EBF1: variants seen among roughly 807,000 people sequenced by gnomAD.
EBF1 encodes EBF transcription factor 1, also known as transcription factor COE1.
Under a neutral mutation model 68.4 loss-of-function variants are expected in EBF1, and 10 were observed. The observed-to-expected ratio is 0.15, with a 90% CI of 0.09 to 0.25. The LOEUF is 0.25. EBF1 is among the 10% of genes least tolerant of loss of function. The probability of loss-of-function intolerance (pLI) is 1.00; values close to 1 mark genes in which losing one functional copy is unlikely to be tolerated. For missense variants in EBF1, 509 were observed against 794.4 expected (o/e 0.64, Z 4.32); for synonymous variants, 298 against 299.8 (o/e 0.99, Z 0.06).
intron 6 of EBF1, among the ~76,000 whole-genome samples, chr5:158,843,913 C>T (rs2127978113): frequency 6.6e-6 from 1 of 152,262 alleles, no homozygotes; most frequent in South Asian, 2.1e-4. Flanking sequence ...CGTCTGCTGG[C>T]CTACGGAGAA....
intron 8 of EBF1, among the ~76,000 whole-genome samples, chr5:158,798,773 A>C (rs958265433): frequency 6.6e-6 from 1 of 152,188 alleles, no homozygotes; most frequent in Non-Finnish European, 1.5e-5. Flanking sequence ...GCTTCCAGAG[A>C]TAACCAGGTG....
At chr5:158,993,148 G>A (rs1167523262) in intron 6 of EBF1, among the ~76,000 whole-genome samples, 1 of 149,606 alleles carries the variant, frequency 6.7e-6, no homozygotes, top group Non-Finnish European at 1.5e-5. Flanking sequence ...CTGGGCTCAA[G>A]CGATTCTCCT....
At chr5:158,829,270 G>T (rs750274167) in intron 7 of EBF1, among the ~76,000 whole-genome samples, 29 of 152,012 alleles carry the variant, frequency 1.9e-4, no homozygotes, top group Non-Finnish European at 3.5e-4. Context: ...TCTGCGTCCC[G>T]GGCTCAACTG....
At chr5:158,950,018 T>G (rs992866780) in intron 6 of EBF1, among the ~76,000 whole-genome samples, 1 of 152,228 alleles carries the variant, frequency 6.6e-6, no homozygotes, top group African/African-American at 2.4e-5. Context: ...TTCCCAGTGG[T>G]GTACAGTGGT....
chr5:159,005,864 C>T (rs1220489885), intron 6 of EBF1, among the ~76,000 whole-genome samples: 2 of 152,210 alleles, frequency 1.3e-5, no homozygotes, highest in Admixed American at 1.3e-4. Flanking sequence ...TCTTAAATTG[C>T]CTATAGGTTA....
intron 6 of EBF1, among the ~76,000 whole-genome samples, chr5:158,850,395 C>T (rs1432243495): frequency 6.6e-6 from 1 of 152,194 alleles, no homozygotes; most frequent in African/African-American, 2.4e-5. Flanking sequence ...ACAACCCAGT[C>T]CCTTCCCTTG....
At chr5:158,866,635 A>G (rs1795910741) in intron 6 of EBF1, among the ~76,000 whole-genome samples, 1 of 151,680 alleles carries the variant, frequency 6.6e-6, no homozygotes, top group South Asian at 2.1e-4. Context: ...TTCACACGTC[A>G]CTTTTAATAA....
chr5:158,971,535 G>T (rs116003910), intron 6 of EBF1, among the ~76,000 whole-genome samples: 1 of 152,066 alleles, frequency 6.6e-6, no homozygotes, highest in African/African-American at 2.4e-5. Flanking sequence ...GACACCTCCC[G>T]CCCAGGTCAA....
chr5:159,082,474 C>G (rs1779913446), intron 5 of EBF1, among the ~76,000 whole-genome samples: 1 of 152,192 alleles, frequency 6.6e-6, no homozygotes, highest in African/African-American at 2.4e-5. Context: ...TAATGGGGAA[C>G]AGACTCTAAT....
intron 6 of EBF1, among the ~76,000 whole-genome samples, chr5:158,969,919 A>AG (rs199980397): frequency 0.13 from 7,519 of 57,482 alleles, 447 homozygotes; most frequent in Non-Finnish European, 0.15. Flanking sequence ...AAAGAAAGAA[A>AG]AAAAAAAAAA....
At chr5:159,007,812 G>A (rs751686882) in intron 6 of EBF1, among the ~76,000 whole-genome samples, 15 of 152,012 alleles carry the variant, frequency 9.9e-5, no homozygotes, top group Non-Finnish European at 1.9e-4. Context: ...GAAATGAGGG[G>A]TGTTAGAAAC....
At chr5:158,761,405 G>A (rs913816853) in intron 10 of EBF1, among the ~76,000 whole-genome samples, 1 of 152,298 alleles carries the variant, frequency 6.6e-6, no homozygotes, top group African/African-American at 2.4e-5. Flanking sequence ...CTCTCTCCCC[G>A]AGTTCCGGGA....
intron 6 of EBF1, among the ~76,000 whole-genome samples, chr5:158,894,970 T>C (rs1433527784): frequency 6.6e-6 from 1 of 152,218 alleles, no homozygotes; most frequent in African/African-American, 2.4e-5. Context: ...ATATACTGTA[T>C]ATTATGTAAC....
intron 6 of EBF1, among the ~76,000 whole-genome samples, chr5:158,913,382 AG>A (rs1321568206): frequency 6.6e-6 from 1 of 152,230 alleles, no homozygotes; most frequent in East Asian, 1.9e-4. Flanking sequence ...GACGTTCCAC[AG>A]GGGGACATTT....
intron 6 of EBF1, among the ~76,000 whole-genome samples, chr5:159,042,881 G>A (rs1414436745): frequency 6.6e-6 from 1 of 150,486 alleles, no homozygotes. Context: ...AAATAAAAAA[G>A]TTAAATAGGA....
intron 10 of EBF1, among the ~76,000 whole-genome samples, chr5:158,769,050 T>G (rs745547390): frequency 3.4e-4 from 51 of 152,144 alleles, no homozygotes; most frequent in Non-Finnish European, 6.2e-4. Flanking sequence ...CAGAAATTTA[T>G]AGTTTAGAAA....
At chr5:158,830,903 C>T (rs1023284074) in intron 7 of EBF1, among the ~76,000 whole-genome samples, 3 of 152,148 alleles carry the variant, frequency 2.0e-5, no homozygotes, top group Admixed American at 1.3e-4. Flanking sequence ...GAATTACATT[C>T]GCACTTTAAG....
At chr5:158,871,337 C>G (rs762985043) in intron 6 of EBF1, among the ~76,000 whole-genome samples, 2 of 152,112 alleles carry the variant, frequency 1.3e-5, no homozygotes, top group Non-Finnish European at 2.9e-5. Context: ...CATGACCATC[C>G]CCTCCTGACT....
At chr5:158,825,838 A>G (rs1331334199) in intron 7 of EBF1, among the ~76,000 whole-genome samples, 1 of 152,138 alleles carries the variant, frequency 6.6e-6, no homozygotes, top group Non-Finnish European at 1.5e-5. Context: ...ACCACAAAAC[A>G]ATTTCTCCCA....
Sources: gnomAD v4.1 joint callset for allele counts (sites outside exome capture counted in the v4.1 genomes callset) on GRCh38, gnomAD v4.1.1 for gene constraint, MANE v1.5 for transcripts, NCBI Gene and HGNC (gene_info 2026-07-23, HGNC 2026-07-21) for gene names.